Variants in PCDHA9 observed in about 807,000 individuals in gnomAD.
PCDHA9 encodes the protein protocadherin alpha-9.
In PCDHA9, 62 loss-of-function variants were observed where a neutral mutation model predicts 62.0. The ratio of observed to expected loss-of-function variants is 1.00; its 90% CI spans 0.81 to 1.23. PCDHA9 has a LOEUF of 1.23. PCDHA9 is among the 50% of genes most tolerant of loss of function. The pLI is 0.00. For missense variants in PCDHA9, 1,205 were observed against 1,249.8 expected (o/e 0.96, Z 0.54); for synonymous variants, 557 against 567.6 (o/e 0.98, Z 0.27).
In PCDHA9 at chr5:140,853,519, C is replaced by G. The variant is rs73793503; in HGVS notation, c.2394+2630C>G. ...GAATCATGAAACAATAATGAAGCTCCTCCTATGTCTCTTTTCAAGTTGTAA... is the reference window on the plus strand; with the variant it reads ...GAATCATGAAACAATAATGAAGCTCGTCCTATGTCTCTTTTCAAGTTGTAA... On this transcript the variant is annotated intron_variant, in intron 1 of 3. Transcript: ENST00000532602. The G allele has an allele frequency of 2.2e-3, 2,124 of 976,444 alleles. 135 individuals are homozygous for G. The African/African-American group carries it at 0.036, about 16-fold the overall frequency. The allele number at this position is 976,444 out of a possible 1,614,324, so 60.5% of individuals were successfully genotyped here. A position where few individuals can be genotyped will look rare whatever the true frequency, so the allele number is the denominator to read the frequency against.
At chr5:140,946,314 T>C (rs1307176539) in intron 1 of PCDHA9, among the ~76,000 whole-genome samples, 2 of 151,808 alleles carry the variant, frequency 1.3e-5, no homozygotes, top group African/African-American at 4.8e-5. Flanking sequence ...ATGGCTATTA[T>C]TGAAAGAGGA....
At position 140,850,108 on chromosome 5, in the gene PCDHA9, G is replaced by C. The variant is rs2150467680; in HGVS notation, c.1613G>C (p.Arg538Pro). Residue 538 changes from arginine (R) to proline (P), a missense_variant, in exon 1 of 4, where the codon CGC becomes CCC. Arg to Pro is a moderately radical substitution (Grantham distance 103). Around this residue, in one of 3 missense-constraint regions of PCDHA9, gnomAD observed 887 missense variants for 809.5 expected, o/e 1.10. Coordinates refer to ENST00000532602, the MANE Select transcript of PCDHA9 (RefSeq NM_031857.2). ...LELLQFQVSA[R>P]DAGVPPLGSN... ...CTGCTACAGTTCCAGGTGAGCGCGC[G>C]CGACGCGGGCGTGCCGCCTCTGGGC... 1 of 1,596,108 alleles carries C rather than the reference G, an allele frequency of 6.3e-7. No individual in the cohort carries two copies. The highest frequency in any genetic ancestry group is 2.2e-5 in the East Asian group (1 of 44,842).
At chr5:140,859,564 T>C (rs1485342006) in intron 1 of PCDHA9, 1 of 176,228 alleles carries the variant, frequency 5.7e-6, no homozygotes, top group African/African-American at 2.4e-5. Context: ...ACCAATGCCA[T>C]GAATTTGTCA....
Position 141,012,131 on chromosome 5 carries a change from G to A in PCDHA9, c.*2194G>A, listed in dbSNP as rs1214098938. The A allele has an allele frequency of 1.3e-5, 2 of 153,688 alleles. No individual in the cohort carries two copies. The highest frequency in any genetic ancestry group is 2.9e-5 in the Non-Finnish European group (2 of 68,026). 9.5% of individuals were successfully genotyped at this position (153,688 alleles called of 1,614,324 possible). A position where few individuals can be genotyped will look rare whatever the true frequency, so the allele number is the denominator to read the frequency against. ...CTGAAGCCCATGTATCTGACCTTAC[G>A]TGCCTTTTGAACTAGGAGAATCGGG... On this transcript the variant is annotated 3_prime_UTR_variant, in exon 4 of 4. Transcript: ENST00000532602.
At chr5:141,001,223 A>G (rs1349302343) in intron 3 of PCDHA9, among the ~76,000 whole-genome samples, 6 of 152,228 alleles carry the variant, frequency 3.9e-5, no homozygotes, top group Non-Finnish European at 8.8e-5. Context: ...AAGGATAGTT[A>G]CATTTAATCT....
At chr5:140,935,264 A>G (rs756476804) in intron 1 of PCDHA9, among the ~76,000 whole-genome samples, 3 of 152,196 alleles carry the variant, frequency 2.0e-5, no homozygotes, top group African/African-American at 7.2e-5. Context: ...TCACATGTTT[A>G]TACTAATCTA....
chr5:140,858,392 G>T, intron 1 of PCDHA9: 1 of 1,579,080 alleles, frequency 6.3e-7, no homozygotes, highest in Non-Finnish European at 8.7e-7. Context: ...AATGGTAGAT[G>T]TGGACGGGGA....
At chr5:140,862,914 T>G (rs1324923018) in intron 1 of PCDHA9, 1 of 548,316 alleles carries the variant, frequency 1.8e-6, no homozygotes, top group African/African-American at 2.0e-5. Flanking sequence ...TGCTGGCGCC[T>G]TGGGTGGGCT....
chr5:140,984,692 C>T (rs1252057323), intron 3 of PCDHA9, among the ~76,000 whole-genome samples: 2 of 152,130 alleles, frequency 1.3e-5, no homozygotes, highest in Non-Finnish European at 2.9e-5. Context: ...ATATGTTCTG[C>T]ACTGCTTGGA....
intron 1 of PCDHA9, among the ~76,000 whole-genome samples, chr5:140,973,273 C>T (rs1180418925): frequency 6.6e-6 from 1 of 152,150 alleles, no homozygotes; most frequent in Non-Finnish European, 1.5e-5. Context: ...ACTTTTATTT[C>T]CCCCAGCACT....
chr5:141,006,974 G>A (rs782657772), intron 3 of PCDHA9, among the ~76,000 whole-genome samples: 6 of 152,174 alleles, frequency 3.9e-5, no homozygotes, highest in Admixed American at 3.9e-4. Context: ...GGAGCACAGA[G>A]AGATGTGGGC....
At position 140,905,743 on chromosome 5, in the gene PCDHA9, C is replaced by G. The variant is rs550937383; in HGVS notation, c.2394+54854C>G. On this transcript the variant is annotated intron_variant, in intron 1 of 3. Coordinates refer to ENST00000532602, the MANE Select transcript of PCDHA9 (RefSeq NM_031857.2). ...GTTTTGTAGTTTTCCTTGTAGAGAT[C>G]TTTCACCTCCTTGGTTAAGTATATT... Among the ~76,000 whole-genome samples, 7 of 152,232 alleles carry G rather than the reference C, an allele frequency of 4.6e-5. No individual in the cohort carries two copies. In the South Asian group the frequency reaches 1.0e-3, roughly 23 times the overall value.
chr5:140,947,760 A>C (rs1332466215), intron 1 of PCDHA9, among the ~76,000 whole-genome samples: 1 of 151,618 alleles, frequency 6.6e-6, no homozygotes, highest in Non-Finnish European at 1.5e-5. Context: ...TTATGGTTTA[A>C]AAAATTCTAT....
intron 1 of PCDHA9, among the ~76,000 whole-genome samples, chr5:140,937,540 C>T (rs2091570481): frequency 2.0e-5 from 3 of 152,116 alleles, no homozygotes; most frequent in East Asian, 3.9e-4. Flanking sequence ...TTGCTTGAAC[C>T]TGCGAGGCAG....
chr5:140,908,730 C>G (rs1367655223), intron 1 of PCDHA9, among the ~76,000 whole-genome samples: 4 of 152,124 alleles, frequency 2.6e-5, no homozygotes, highest in Non-Finnish European at 4.4e-5. Context: ...TCATATGGCT[C>G]GAGAAACAGA....
chr5:140,857,567 G>A, intron 1 of PCDHA9: 1 of 1,596,986 alleles, frequency 6.3e-7, no homozygotes, highest in South Asian at 1.1e-5. Flanking sequence ...GTCGAGCTAC[G>A]TGTCGGTGCA....
chr5:140,963,151 A>G (rs544176369), intron 1 of PCDHA9, among the ~76,000 whole-genome samples: 2 of 152,326 alleles, frequency 1.3e-5, no homozygotes, highest in South Asian at 4.1e-4. Context: ...ATGAATTTAA[A>G]AATGACACAT....
intron 1 of PCDHA9, among the ~76,000 whole-genome samples, chr5:140,920,101 G>A (rs880001163): frequency 2.0e-5 from 3 of 152,180 alleles, no homozygotes; most frequent in African/African-American, 7.2e-5. Flanking sequence ...TCTAAAGGGA[G>A]TGCAACCTTG....
At chr5:140,871,465 CAG>C in intron 1 of PCDHA9, 1 of 1,602,850 alleles carries the variant, frequency 6.2e-7, no homozygotes, top group Non-Finnish European at 8.5e-7. Flanking sequence ...AGGGGAAAGA[CAG>C]GAGCCAGGGT....
Sources: gnomAD v4.1 joint callset for allele counts (sites outside exome capture counted in the v4.1 genomes callset) on GRCh38, gnomAD v4.1.1 for gene constraint, gnomAD v4.1.1 regional missense constraint, MANE v1.5 for transcripts, NCBI Gene and HGNC (gene_info 2026-07-23, HGNC 2026-07-21) for gene names.